The following MAGI2 variants were observed in gnomAD, a reference collection of about 807,000 sequenced individuals.
The protein encoded by MAGI2 is membrane-associated guanylate kinase, WW and PDZ domain-containing protein 2.
A neutral mutation model predicts 133.3 loss-of-function variants in MAGI2; 35 were observed. That is an observed-to-expected ratio of 0.26 (90% CI 0.20 to 0.35). The LOEUF is 0.35. Ranked by LOEUF, MAGI2 falls within the 10% of genes least tolerant of loss-of-function variation. The pLI is 1.00. For missense variants in MAGI2, 1,636 were observed against 1,863.4 expected (o/e 0.88, Z 2.25); for synonymous variants, 729 against 710.6 (o/e 1.03, Z -0.41).
rs571158204 is a variant in MAGI2, at chr7:78,199,024, C to T, written c.2079+2138G>A. ...ACACAGGACTAGGAGGAAGCTAGAG[C>T]TCACCCCATATAACATTTCCTTATT... On this transcript the variant is annotated intron_variant, in intron 11 of 21. Transcript: ENST00000354212. Among the ~76,000 whole-genome samples, 150 of 152,298 alleles carry T rather than the reference C, an allele frequency of 9.8e-4. 3 individuals carry two copies. The highest frequency in any genetic ancestry group is 3.4e-3 in the Middle Eastern group (1 of 294).
intron 2 of MAGI2, among the ~76,000 whole-genome samples, chr7:78,638,580 A>G (rs1477622693): frequency 6.6e-6 from 1 of 152,238 alleles, no homozygotes. Flanking sequence ...ATTCCTTGGT[A>G]GCTATAGTCT....
At position 78,334,324 on chromosome 7, in the gene MAGI2, G is replaced by C. The variant is rs149730933; in HGVS notation, c.1408+9454C>G. ...CCATCACCATGCACATGGACCTCAG[G>C]TTAATCCTCACTCTTCCCTAGAGGG... On this transcript the variant is annotated intron_variant, in intron 9 of 21. Transcript: ENST00000354212. Among the ~76,000 whole-genome samples the C allele has an allele frequency of 4.9e-3, 739 of 151,588 alleles. 11 individuals are homozygous for C. Among genetic ancestry groups the C allele is most frequent in the African/African-American group, 0.017 (717 of 41,228 alleles).
chr7:78,603,859 A>G (rs1323485715), intron 3 of MAGI2, among the ~76,000 whole-genome samples: 1 of 152,198 alleles, frequency 6.6e-6, no homozygotes, highest in African/African-American at 2.4e-5. Context: ...AGAAACCTAT[A>G]CAATGAGACC....
chr7:78,113,183 A>G (rs1359005268), intron 20 of MAGI2, among the ~76,000 whole-genome samples: 1 of 146,496 alleles, frequency 6.8e-6, no homozygotes, highest in Non-Finnish European at 1.5e-5. Flanking sequence ...TAGAACACGC[A>G]GGGCCTGGCA....
intron 10 of MAGI2, among the ~76,000 whole-genome samples, chr7:78,244,189 AAAAAG>A (rs1791504922): frequency 6.9e-6 from 1 of 144,710 alleles, no homozygotes; most frequent in Non-Finnish European, 1.5e-5. Flanking sequence ...AAAAAAAAAA[AAAAAG>A]AAAAAGAAAT....
At chr7:78,556,110 AGT>A (rs1799800475) in intron 3 of MAGI2, among the ~76,000 whole-genome samples, 1 of 151,934 alleles carries the variant, frequency 6.6e-6, no homozygotes, top group Non-Finnish European at 1.5e-5. Context: ...TTTTCCAAAA[AGT>A]ATATATATAT....
Position 78,501,800 on chromosome 7 carries a change from A to ACCG in MAGI2, c.755-14_755-13insCGG. On this transcript the variant is annotated splice_polypyrimidine_tract_variant and intron_variant, in intron 4 of 21. Transcript: ENST00000354212. Reference sequence around the variant, plus strand: ...TGTTCACTGGATTCTATAAGAGAACAAGAGCACGTGGTTAGTCACTCCAAC... The same window carrying ACCG: ...TGTTCACTGGATTCTATAAGAGAACACCGAGAGCACGTGGTTAGTCACTCCAAC... The ACCG allele has an allele frequency of 6.2e-7, 1 of 1,608,812 alleles. No individual in the cohort carries two copies. Among genetic ancestry groups the ACCG allele is most frequent in the South Asian group, 1.1e-5 (1 of 90,918 alleles).
chr7:78,365,006 G>C (rs1488561877), intron 7 of MAGI2, among the ~76,000 whole-genome samples: 1 of 152,186 alleles, frequency 6.6e-6, no homozygotes, highest in African/African-American at 2.4e-5. Context: ...ACAGACAGCA[G>C]ATAAAATTTA....
chr7:78,635,673 T>A (rs556180913), intron 2 of MAGI2, among the ~76,000 whole-genome samples: 2 of 152,336 alleles, frequency 1.3e-5, no homozygotes, highest in East Asian at 3.9e-4. Flanking sequence ...AAAAAATAGA[T>A]CTTGACAGCT....
At chr7:78,365,098 A>G (rs1165232725) in intron 7 of MAGI2, among the ~76,000 whole-genome samples, 2 of 151,946 alleles carry the variant, frequency 1.3e-5, no homozygotes, top group Non-Finnish European at 2.9e-5. Context: ...CAACATTTCT[A>G]TGTTAAGGTC....
Position 78,548,420 on chromosome 7 carries a change from G to A in MAGI2, c.539-26775C>T, listed in dbSNP as rs1008684686. ...TTAAGATTGCTTTCATGTCGGCCAG[G>A]CACAGTGGCTCATGCCTGTAATCCC... is the stretch of plus-strand genomic sequence containing the variant. On this transcript the variant is annotated intron_variant, in intron 3 of 21. Coordinates refer to ENST00000354212, the MANE Select transcript of MAGI2 (RefSeq NM_012301.4). Among the ~76,000 whole-genome samples, 4 of 152,278 alleles carry A rather than the reference G, an allele frequency of 2.6e-5. No individual in the cohort carries two copies. The East Asian group carries it at 7.7e-4, about 29-fold the overall frequency.
At chr7:79,262,146 C>A (rs183684089) in intron 1 of MAGI2, among the ~76,000 whole-genome samples, 28 of 152,282 alleles carry the variant, frequency 1.8e-4, no homozygotes, top group Admixed American at 1.8e-3. Context: ...GATTCCCAAA[C>A]CTTTCTTTAT....
chr7:78,152,932 T>C (rs1824028493), intron 16 of MAGI2, among the ~76,000 whole-genome samples: 2 of 152,226 alleles, frequency 1.3e-5, no homozygotes, highest in Admixed American at 6.5e-5. Flanking sequence ...GAACATTACA[T>C]GTTGAGAAGC....
In MAGI2 at chr7:79,347,262, CAT is replaced by C. The variant is rs150041138; in HGVS notation, c.301+105756_301+105757del. Among the ~76,000 whole-genome samples the C allele has an allele frequency of 8.4e-3, 1,271 of 152,014 alleles. 10 individuals are homozygous for C. The highest frequency in any genetic ancestry group is 0.029 in the African/African-American group (1,208 of 41,520). The stretch of plus-strand genomic sequence containing the variant: ...AGCACGCTAAAATCATAACCAAAAA[CAT>C]ATGTCAAATCTATATTTAATTCTTT... On this transcript the variant is annotated intron_variant, in intron 1 of 21. Transcript: ENST00000354212.
At chr7:79,371,456 C>T (rs1156835617) in intron 1 of MAGI2, among the ~76,000 whole-genome samples, 2 of 151,932 alleles carry the variant, frequency 1.3e-5, no homozygotes, top group East Asian at 3.9e-4. Context: ...TGATAGTGGT[C>T]TTATAAGATT....
At chr7:78,215,252 T>TG (rs1788153628) in intron 10 of MAGI2, among the ~76,000 whole-genome samples, 1 of 151,882 alleles carries the variant, frequency 6.6e-6, no homozygotes, top group Admixed American at 6.6e-5. Context: ...CACGAGAACA[T>TG]GGGGGGATAA....
chr7:79,125,249 C>G, intron 1 of MAGI2: 1 of 442,026 alleles, frequency 2.3e-6, no homozygotes, highest in Admixed American at 2.6e-5. Context: ...CTGTGAATGG[C>G]TACAACTGTG....
chr7:78,058,003 A>ATGTGTGTGTGTGTGTGTG, intron 21 of MAGI2, among the ~76,000 whole-genome samples: 1 of 117,060 alleles, frequency 8.5e-6, no homozygotes, highest in African/African-American at 3.3e-5. Context: ...ATATATATAT[A>ATGTGTGTGTGTGTGTGTG]TGTATGAGAA....
intron 16 of MAGI2, chr7:78,159,816 GT>G: frequency 2.2e-6 from 1 of 445,574 alleles, no homozygotes; most frequent in South Asian, 7.2e-5. Context: ...GAGGGCATTA[GT>G]TGTGTTCTTG....
Sources: gnomAD v4.1 joint callset for allele counts (sites outside exome capture counted in the v4.1 genomes callset) on GRCh38, gnomAD v4.1.1 for gene constraint, MANE v1.5 for transcripts, NCBI Gene and HGNC (gene_info 2026-07-23, HGNC 2026-07-21) for gene names.